The following ZFP91 variants were observed in gnomAD, a reference collection of about 807,000 sequenced individuals.
ZFP91 encodes the protein ZFP91 zinc finger protein, atypical E3 ubiquitin ligase.
In ZFP91, 7 loss-of-function variants were observed where a neutral mutation model predicts 63.5. The ratio of observed to expected loss-of-function variants is 0.11; its 90% confidence interval spans 0.06 to 0.21. The LOEUF (loss-of-function observed/expected upper bound fraction) is 0.21. ZFP91 is among the 10% of genes least tolerant of loss of function. The probability of loss-of-function intolerance (pLI) is 1.00; values close to 1 mark genes in which losing one functional copy is unlikely to be tolerated. For synonymous variants in ZFP91, 330 were observed against 272.1 expected, an observed-to-expected ratio of 1.21 and a Z score of -2.10; for missense variants, 628 against 736.6, an observed-to-expected ratio of 0.85 and a Z score of 1.71.
At position 58,615,217 on chromosome 11, in the gene ZFP91, A is replaced by T. The variant is rs140041401; in HGVS notation, c.1102+874A>T. ...ACTACACAGAGCCTGGCACAATACC[A>T]GGATTGAACTTGAATCTTAATCACT... On this transcript the variant is annotated intron_variant, in intron 9 of 10. Coordinates refer to ENST00000316059, the MANE Select transcript of ZFP91 (RefSeq NM_053023.5). Among the ~76,000 whole-genome samples, 6 of 152,348 alleles carry T rather than the reference A, an allele frequency of 3.9e-5. No homozygotes were observed. The East Asian group carries it at 1.2e-3, about 29-fold the overall frequency.
At chr11:58,582,760 G>C (rs1323064066) in intron 1 of ZFP91, among the ~76,000 whole-genome samples, 2 of 152,094 alleles carry the variant, frequency 1.3e-5, no homozygotes, top group Admixed American at 6.5e-5. Flanking sequence ...GACATATTTA[G>C]CTTACAGTTT....
intron 1 of ZFP91, among the ~76,000 whole-genome samples, 158 bp downstream of exon 1, chr11:58,579,780 G>T (rs993376712): frequency 2.0e-5 from 3 of 152,064 alleles, no homozygotes; most frequent in African/African-American, 7.2e-5. Flanking sequence ...GAGCCTTCGT[G>T]CCTCCTCTCT....
At chr11:58,594,221 T>C (rs576104111) in intron 2 of ZFP91, among the ~76,000 whole-genome samples, 2 of 152,338 alleles carry the variant, frequency 1.3e-5, no homozygotes, top group East Asian at 3.9e-4. Flanking sequence ...TTTGTCATGT[T>C]TTCTCTGCTG....
chr11:58,615,294 G>A lies in ZFP91; in HGVS notation c.1102+951G>A, dbSNP rs114226316. Reference sequence around the variant, plus strand: ...TGTTTCTTCAGAGTTATTTCCACAAGTAACAGTTATTTCTGTTTCTTGATA... The same window carrying A: ...TGTTTCTTCAGAGTTATTTCCACAAATAACAGTTATTTCTGTTTCTTGATA... On this transcript the variant is annotated intron_variant, in intron 9 of 10. Coordinates refer to ENST00000316059, the MANE Select transcript of ZFP91 (RefSeq NM_053023.5). 2.2e-3 allele frequency among the ~76,000 whole-genome samples: 342 copies of A among 152,224 alleles called. 1 individual carries two copies. The highest frequency in any genetic ancestry group is 7.7e-3 in the African/African-American group (320 of 41,540).
intron 2 of ZFP91, among the ~76,000 whole-genome samples, chr11:58,593,955 G>T (rs1403332030): frequency 9.9e-5 from 15 of 152,002 alleles, no homozygotes; most frequent in Admixed American, 9.8e-4. Flanking sequence ...ATATTCAGTG[G>T]TATTACCCTC....
chr11:58,608,238 ATTATTTGTGAAACCAATCCCTC>A (rs1855600603), intron 2 of ZFP91, among the ~76,000 whole-genome samples: 1 of 151,764 alleles, frequency 6.6e-6, no homozygotes, highest in Non-Finnish European at 1.5e-5. Flanking sequence ...TATGTACACA[ATTATTTGTGAAACCAATCCCTC>A]TTTGAATGTT....
intron 1 of ZFP91, 24 bp downstream of exon 1, chr11:58,579,646 T>C (rs991960978): frequency 1.3e-6 from 2 of 1,526,954 alleles, no homozygotes; most frequent in Non-Finnish European, 8.7e-7. Flanking sequence ...TTTCAGGCGG[T>C]GGGAAAGACC....
intron 2 of ZFP91, among the ~76,000 whole-genome samples, chr11:58,592,816 G>GA (rs1184934405): frequency 6.6e-6 from 1 of 152,122 alleles, no homozygotes; most frequent in Non-Finnish European, 1.5e-5. Context: ...GATTTGTAAA[G>GA]AAAAGAGTTT....
At chr11:58,592,566 T>C (rs890460193) in intron 2 of ZFP91, among the ~76,000 whole-genome samples, 1 of 152,160 alleles carries the variant, frequency 6.6e-6, no homozygotes, top group Non-Finnish European at 1.5e-5. Context: ...CTAAGTAAAA[T>C]GCGCCAAGCA....
intron 2 of ZFP91, among the ~76,000 whole-genome samples, chr11:58,602,539 G>A (rs1195412124): frequency 1.3e-5 from 2 of 152,104 alleles, no homozygotes; most frequent in Admixed American, 6.5e-5. Context: ...TCTCATTAAC[G>A]TATAATGTTC....
intron 2 of ZFP91, among the ~76,000 whole-genome samples, chr11:58,598,698 G>A (rs983367773): frequency 1.3e-5 from 2 of 151,528 alleles, no homozygotes; most frequent in African/African-American, 4.9e-5. Context: ...TGTATGGATT[G>A]TCCTTCAGTT....
At chr11:58,584,956 C>A in intron 2 of ZFP91, 72 bp downstream of exon 2, 2 of 1,227,584 alleles carry the variant, frequency 1.6e-6, no homozygotes, top group South Asian at 2.3e-5. Context: ...AAAGCCTCAT[C>A]ATTCAAATTG....
chr11:58,581,491 G>A (rs922627253), intron 1 of ZFP91, among the ~76,000 whole-genome samples: 1 of 152,168 alleles, frequency 6.6e-6, no homozygotes, highest in African/African-American at 2.4e-5. Context: ...ATCCCAAGCA[G>A]CTGGCATTAC....
At chr11:58,601,833 T>A (rs1283681640) in intron 2 of ZFP91, among the ~76,000 whole-genome samples, 1 of 152,238 alleles carries the variant, frequency 6.6e-6, no homozygotes, top group African/African-American at 2.4e-5. Context: ...TGATATTGAT[T>A]TCTAGTTTCA....
intron 2 of ZFP91, among the ~76,000 whole-genome samples, chr11:58,596,217 A>G (rs1855401471): frequency 6.6e-6 from 1 of 152,184 alleles, no homozygotes; most frequent in Admixed American, 6.5e-5. Context: ...GGATCGTTAT[A>G]AGGTCTTTGT....
intron 2 of ZFP91, among the ~76,000 whole-genome samples, chr11:58,605,758 A>C (rs1026424809): frequency 6.6e-6 from 1 of 151,824 alleles, no homozygotes; most frequent in Admixed American, 6.6e-5. Flanking sequence ...CATTTATCCT[A>C]CTAGGAGTTA....
chr11:58,590,161 TTAAGAGAGACTTGCTTG>T (rs1855280227), intron 2 of ZFP91, among the ~76,000 whole-genome samples: 1 of 152,200 alleles, frequency 6.6e-6, no homozygotes, highest in East Asian at 1.9e-4. Flanking sequence ...TCCAAAACCT[TTAAGAGAGACTTGCTTG>T]TATCTTCATT....
chr11:58,585,497 A>G (rs982021627), intron 2 of ZFP91, among the ~76,000 whole-genome samples: 7 of 151,946 alleles, frequency 4.6e-5, no homozygotes, highest in Non-Finnish European at 1.5e-5. Context: ...GTTTTTTTCT[A>G]GTTTTTGGCT....
chr11:58,599,317 T>TGTAC (rs150158946), intron 2 of ZFP91, among the ~76,000 whole-genome samples: 2,789 of 152,190 alleles, frequency 0.018, 29 homozygotes, highest in African/African-American at 0.032. Flanking sequence ...TTTTGGTGTA[T>TGTAC]GTACCTAGAA....
Sources: allele counts gnomAD v4.1 joint callset (sites outside exome capture counted in the v4.1 genomes callset), GRCh38; gene constraint gnomAD v4.1.1; transcripts MANE v1.5; gene names NCBI Gene and HGNC (gene_info 2026-07-23, HGNC 2026-07-21).